INPP4B: variants seen among roughly 807,000 people sequenced by gnomAD.
INPP4B encodes inositol polyphosphate 4-phosphatase type II.
INPP4B carries 55 observed loss-of-function variants against 122.5 expected under a neutral mutation model. That is an observed-to-expected ratio of 0.45 (90% CI 0.36 to 0.56). The LOEUF (loss-of-function observed/expected upper bound fraction) is 0.56, where lower values mean the gene tolerates loss of function less well. INPP4B is among the 20% of genes least tolerant of loss of function. The pLI is 0.00. For synonymous variants in INPP4B, 403 were observed against 388.7 expected (o/e 1.04, Z -0.43); for missense variants, 1,000 against 1,097.7 (o/e 0.91, Z 1.26).
At chr4:142,272,069 G>A (rs1746116658) in intron 9 of INPP4B, among the ~76,000 whole-genome samples, 1 of 152,152 alleles carries the variant, frequency 6.6e-6, no homozygotes, top group Non-Finnish European at 1.5e-5. Context: ...TAACTGAATA[G>A]TCATGTGACG....
intron 1 of INPP4B, among the ~76,000 whole-genome samples, chr4:142,730,956 G>T (rs1765993456): frequency 1.2e-5 from 1 of 84,932 alleles, no homozygotes; most frequent in Non-Finnish European, 2.5e-5. Flanking sequence ...GCCGCACCAA[G>T]TTTTTTTTTA....
chr4:142,424,117 G>A lies in INPP4B; in HGVS notation c.136+5056C>T, dbSNP rs530845085. On this transcript the variant is annotated intron_variant, in intron 5 of 25. Transcript: ENST00000262992. The stretch of plus-strand genomic sequence containing the variant: ...CCTTTCCTCTAATTATTCTAATCCT[G>A]TTTCCTTTCTTCAAAAATTGGCTTT... 1.6e-4 allele frequency among the ~76,000 whole-genome samples: 24 copies of A among 151,912 alleles called. 1 individual carries two copies. In the South Asian group the frequency reaches 2.5e-3, roughly 16 times the overall value.
chr4:142,031,826 A>G (rs1740393771), intron 25 of INPP4B, among the ~76,000 whole-genome samples: 1 of 152,180 alleles, frequency 6.6e-6, no homozygotes, highest in South Asian at 2.1e-4. Flanking sequence ...TCTTCAACCC[A>G]AAGTTTTTAG....
chr4:142,291,766 T>C (rs1167786445), intron 9 of INPP4B, among the ~76,000 whole-genome samples: 1 of 152,076 alleles, frequency 6.6e-6, no homozygotes, highest in Non-Finnish European at 1.5e-5. Flanking sequence ...CTATAAGGTA[T>C]AAAAAAAGAA....
intron 2 of INPP4B, among the ~76,000 whole-genome samples, chr4:142,669,091 G>T (rs925837863): frequency 6.6e-6 from 1 of 151,814 alleles, no homozygotes; most frequent in Admixed American, 6.6e-5. Flanking sequence ...TAAATAAAAT[G>T]ATCATTAATA....
chr4:142,720,260 A>G (rs938379454), intron 2 of INPP4B, among the ~76,000 whole-genome samples: 6 of 152,316 alleles, frequency 3.9e-5, no homozygotes, highest in Admixed American at 2.6e-4. Flanking sequence ...TTAAGTACCT[A>G]CTATTCTCAG....
chr4:142,213,466 C>T (rs1408644133), intron 12 of INPP4B, among the ~76,000 whole-genome samples: 5 of 152,180 alleles, frequency 3.3e-5, no homozygotes, highest in African/African-American at 1.2e-4. Context: ...AGATCATTCT[C>T]TTCATGGGTC....
At chr4:142,814,930 G>A (rs531394627) in intron 1 of INPP4B, among the ~76,000 whole-genome samples, 48 of 152,250 alleles carry the variant, frequency 3.2e-4, no homozygotes, top group African/African-American at 1.1e-3. Context: ...GTGGAAAAGA[G>A]GAGGGAGAGA....
At chr4:142,783,820 T>C (rs928916262) in intron 1 of INPP4B, among the ~76,000 whole-genome samples, 1 of 152,102 alleles carries the variant, frequency 6.6e-6, no homozygotes, top group African/African-American at 2.4e-5. Context: ...GCACCTAATG[T>C]ACTAGATTCT....
chr4:142,511,181 T>G (rs947259192), intron 2 of INPP4B, among the ~76,000 whole-genome samples: 12 of 152,146 alleles, frequency 7.9e-5, no homozygotes. Flanking sequence ...TTCAATTTTA[T>G]TCTAAAATTT....
At chr4:142,432,611 T>G (rs1479634151) in intron 3 of INPP4B, among the ~76,000 whole-genome samples, 1 of 152,088 alleles carries the variant, frequency 6.6e-6, no homozygotes, top group Admixed American at 6.6e-5. Flanking sequence ...ACCATTAAAT[T>G]TAGAAGTCTT....
chr4:142,077,291 A>C (rs1221488582), intron 25 of INPP4B, among the ~76,000 whole-genome samples: 1 of 151,970 alleles, frequency 6.6e-6, no homozygotes, highest in African/African-American at 2.4e-5. Context: ...TTAAGGAGCT[A>C]TGACAGATTG....
Position 142,116,879 on chromosome 4 carries a change from T to G in INPP4B, c.2136-4197A>C, listed in dbSNP as rs193131367. ...AAAAAGCAATGAATCCAGGAGCTGT[T>G]TTTTGAAAAGATCAACAATATTGAC... On this transcript the variant is annotated intron_variant, in intron 21 of 25. Coordinates refer to ENST00000262992, the MANE Select transcript of INPP4B (RefSeq NM_001101669.3). 1.5e-3 allele frequency among the ~76,000 whole-genome samples: 221 copies of G among 152,242 alleles called. 1 individual carries two copies. The highest frequency in any genetic ancestry group is 1.2e-3 in the Non-Finnish European group (84 of 68,012).
intron 25 of INPP4B, among the ~76,000 whole-genome samples, chr4:142,039,762 G>GA (rs888380271): frequency 2.3e-4 from 34 of 151,104 alleles, no homozygotes; most frequent in African/African-American, 7.0e-4. Flanking sequence ...AAAGGACCAA[G>GA]AAAAAAAAAT....
At position 142,460,984 on chromosome 4, in the gene INPP4B, G is replaced by T. The variant is rs34815770; in HGVS notation, c.-127+1679C>A. Among the ~76,000 whole-genome samples the T allele has an allele frequency of 3.9e-3, 587 of 152,164 alleles. 4 individuals carry two copies. Among genetic ancestry groups the T allele is most frequent in the Non-Finnish European group, 6.3e-3 (431 of 67,986 alleles). ...ATTTGAGCTCAGGGGTTCAAGACGA[G>T]CCTAGGAAACATGCTGAAACTCCAT... On this transcript the variant is annotated intron_variant, in intron 3 of 25. Coordinates refer to ENST00000262992, the MANE Select transcript of INPP4B (RefSeq NM_001101669.3).
chr4:142,475,876 C>G (rs1307999407), intron 2 of INPP4B, among the ~76,000 whole-genome samples: 1 of 152,134 alleles, frequency 6.6e-6, no homozygotes, highest in African/African-American at 2.4e-5. Flanking sequence ...GACTCATTGG[C>G]ATCACTGAAA....
chr4:142,788,032 G>A (rs946817551), intron 1 of INPP4B, among the ~76,000 whole-genome samples: 2 of 152,006 alleles, frequency 1.3e-5, no homozygotes, highest in African/African-American at 2.4e-5. Flanking sequence ...GATTGCTTCC[G>A]GTTGCGGGAA....
chr4:142,216,458 G>A (rs1847301540), intron 12 of INPP4B, among the ~76,000 whole-genome samples: 1 of 152,128 alleles, frequency 6.6e-6, no homozygotes, highest in Non-Finnish European at 1.5e-5. Context: ...ATCTCCAAAG[G>A]AGACATATAA....
At chr4:142,339,125 C>A (rs1203283291) in intron 7 of INPP4B, among the ~76,000 whole-genome samples, 2 of 152,196 alleles carry the variant, frequency 1.3e-5, no homozygotes, top group Non-Finnish European at 2.9e-5. Flanking sequence ...TCTTCCCTCC[C>A]TTTCCTTTTA....
Sources: allele counts gnomAD v4.1 joint callset (sites outside exome capture counted in the v4.1 genomes callset), GRCh38; gene constraint gnomAD v4.1.1; transcripts MANE v1.5; gene names NCBI Gene and HGNC (gene_info 2026-07-23, HGNC 2026-07-21).